LTBP4: variants seen among roughly 807,000 people sequenced by gnomAD.
The protein encoded by LTBP4 is latent transforming growth factor beta binding protein 4.
A neutral mutation model predicts 180.2 loss-of-function variants in LTBP4; 93 were observed. The observed-to-expected ratio is 0.52, with a 90% CI of 0.44 to 0.61. The LOEUF (loss-of-function observed/expected upper bound fraction) is 0.61. Ranked by LOEUF, LTBP4 falls within the 20% of genes least tolerant of loss-of-function variation. The pLI is 0.00. For missense variants in LTBP4, 2,116 were observed against 2,256.5 expected, an observed-to-expected ratio of 0.94 and a Z score of 1.26; for synonymous variants, 947 against 934.5, an observed-to-expected ratio of 1.01 and a Z score of -0.24.
At position 40,605,620 on chromosome 19, in the gene LTBP4, G is replaced by A. The variant is rs769600542; in HGVS notation, c.658G>A (p.Gly220Ser). ...EDGYSDASGF[G>S]YCFRELRGGE... ...CGGCTACTCAGATGCCTCGGGCTTC[G>A]GTTACTGCTTTCGGGAGCTGCGCGG... is the stretch of plus-strand genomic sequence containing the variant. The change falls in exon 3 of 30, where the codon GGT becomes AGT. Residue 220 changes from glycine (G) to serine (S), a missense_variant. Physicochemically the swap from Gly to Ser is moderately conservative, Grantham distance 56. Around this residue, in one of 5 missense-constraint regions of LTBP4, gnomAD observed 469 missense variants for 532.5 expected, o/e 0.88. Transcript: ENST00000396819. This position sits in a 1 kb window ranked among gnomAD's most constrained non-coding sequence, Gnocchi z 5.5. The A allele has an allele frequency of 4.4e-6, 7 of 1,592,376 alleles. No individual in the cohort carries two copies. In the Admixed American group the frequency reaches 1.2e-4, roughly 28 times the overall value.
rs1310479426 is a variant in LTBP4, at chr19:40,613,568, G to A, written c.2557+39G>A. 1.3e-6 allele frequency: 2 copies of A among 1,551,212 alleles called. No homozygotes were observed. The highest frequency in any genetic ancestry group is 1.7e-6 in the Non-Finnish European group (2 of 1,150,442). On this transcript the variant is annotated intron_variant, in intron 17 of 29. Transcript: ENST00000396819. The surrounding 1 kb of genome is among the most constrained non-coding windows in gnomAD (Gnocchi z 5.0). ...CTGATCCTGGCCCCGGAAAGGGTGG[G>A]CTTAGGGCAGGAAAAGGCGGGACGG...
Position 40,610,767 on chromosome 19 carries a change from A to T in LTBP4, c.1810+110A>T, listed in dbSNP as rs1321611256. On this transcript the variant is annotated intron_variant, in intron 12 of 29. Transcript: ENST00000396819. ...GGGCAAAGCGAGTTGATTTGGAGAC[A>T]GAGGCCAGGCTCTCGAGCAGACGTG... The T allele has an allele frequency of 4.9e-6, 7 of 1,440,274 alleles. No individual in the cohort carries two copies. In the East Asian group the frequency reaches 1.6e-4, roughly 34 times the overall value. 89.2% of individuals were successfully genotyped at this position (1,440,274 alleles called of 1,614,324 possible). A position where few individuals can be genotyped will look rare whatever the true frequency, so the allele number is the denominator to read the frequency against.
chr19:40,618,976 C>T (rs560868338), intron 21 of LTBP4, among the ~76,000 whole-genome samples: 1 of 152,162 alleles, frequency 6.6e-6, no homozygotes, highest in African/African-American at 2.4e-5. Flanking sequence ...TCCAGTGGGC[C>T]ACCCGAGAGC....
At chr19:40,623,559 C>T (rs1477591880) in intron 24 of LTBP4, 45 bp from the exon 25 acceptor site, 3 of 1,589,626 alleles carry the variant, frequency 1.9e-6, no homozygotes, top group Admixed American at 1.7e-5. Flanking sequence ...TCACACACTC[C>T]ACCCATCCAG....
intron 1 of LTBP4, among the ~76,000 whole-genome samples, chr19:40,604,192 GA>G (rs1301900008): frequency 2.0e-5 from 3 of 152,146 alleles, no homozygotes. Flanking sequence ...GGAGGGGCTA[GA>G]GGCAGCAGGT....
At chr19:40,626,773 T>C (rs2081636236) in intron 27 of LTBP4, among the ~76,000 whole-genome samples, 1 of 152,200 alleles carries the variant, frequency 6.6e-6, no homozygotes, top group Non-Finnish European at 1.5e-5. Flanking sequence ...ACCCTGATTC[T>C]TAGCAGGCTT....
chr19:40,612,068 C>T lies in LTBP4; in HGVS notation c.2180-5C>T, dbSNP rs1159496942. The T allele has an allele frequency of 1.9e-6, 3 of 1,613,112 alleles. No individual in the cohort carries two copies. The African/African-American group carries it at 4.0e-5, about 22-fold the overall frequency. On this transcript the variant is annotated splice_polypyrimidine_tract_variant and splice_region_variant and intron_variant, in intron 14 of 29. Transcript: ENST00000396819. ...TTCAAGGCCACCCTCTCCCCTGCCC[C>T]CCAGATGTGGATGAGTGTGAGAACC...
Position 40,605,885 on chromosome 19 carries a change from C to CA in LTBP4, c.793+55dup, listed in dbSNP as rs1403574550. On this transcript the variant is annotated intron_variant, in intron 4 of 29. Coordinates refer to ENST00000396819, the MANE Select transcript of LTBP4 (RefSeq NM_001042545.2). This position sits in a 1 kb window ranked among gnomAD's most constrained non-coding sequence, Gnocchi z 5.5. ...CGGAGCTGGGGAGTGGTGACAACCT[C>CA]ACCGTTCCTCCTACTCTGCCCTAGA... The CA allele has an allele frequency of 6.6e-7, 1 of 1,503,986 alleles. No homozygotes were observed. Among genetic ancestry groups the CA allele is most frequent in the Non-Finnish European group, 8.9e-7 (1 of 1,121,854 alleles). The allele number at this position is 1,503,986 out of a possible 1,614,324, so 93.2% of individuals were successfully genotyped here.
At chr19:40,600,986 C>T (rs1004513875), upstream of LTBP4, among the ~76,000 whole-genome samples, 1 of 152,186 alleles carries the variant, frequency 6.6e-6, no homozygotes, top group Non-Finnish European at 1.5e-5. The surrounding 1 kb of genome is among the most constrained non-coding windows in gnomAD (Gnocchi z 4.4). Flanking sequence ...CTCTGTGCCC[C>T]GGGCAGAAGA....
In LTBP4 at chr19:40,609,943, C is replaced by G; in HGVS notation, c.1684+72C>G. ...CTCCTGCTCTCACTCCAGAGCCTCT[C>G]CAGCCCTCCCACGCTTCCCCTCTCG... On this transcript the variant is annotated intron_variant, in intron 11 of 29. Coordinates refer to ENST00000396819, the MANE Select transcript of LTBP4 (RefSeq NM_001042545.2). This position sits in a 1 kb window ranked among gnomAD's most constrained non-coding sequence, Gnocchi z 4.9. 1 of 1,446,590 alleles carries G rather than the reference C, an allele frequency of 6.9e-7. No individual in the cohort carries two copies. The highest frequency in any genetic ancestry group is 2.5e-5 in the East Asian group (1 of 39,984). 89.6% of individuals were successfully genotyped at this position (1,446,590 alleles called of 1,614,324 possible). A position where few individuals can be genotyped will look rare whatever the true frequency, so the allele number is the denominator to read the frequency against.
Position 40,610,988 on chromosome 19 carries a change from G to A in LTBP4, c.1811-164G>A, listed in dbSNP as rs2081501540. 6.1e-6 allele frequency: 6 copies of A among 989,092 alleles called. No individual in the cohort carries two copies. The Admixed American group carries it at 1.3e-4, about 22-fold the overall frequency. The allele number at this position is 989,092 out of a possible 1,614,324, so 61.3% of individuals were successfully genotyped here. On this transcript the variant is annotated intron_variant, in intron 12 of 29. Transcript: ENST00000396819. ...GGACTACAGAGACAGAACCAGCCAG[G>A]CAGCTTAGTAGGGATTGGTGGAGGA... is the stretch of plus-strand genomic sequence containing the variant.
chr19:40,596,520 A>T (rs1022221137), upstream of LTBP4, among the ~76,000 whole-genome samples: 1 of 146,262 alleles, frequency 6.8e-6, no homozygotes, highest in African/African-American at 2.7e-5. Context: ...CCCTGGGAGC[A>T]GAGTTTGTGG....
chr19:40,627,708 C>A lies in LTBP4; in HGVS notation c.4370C>A (p.Ser1457Tyr). 6.3e-7 allele frequency: 1 copy of A among 1,592,166 alleles called. No homozygotes were observed. The highest frequency in any genetic ancestry group is 8.5e-7 in the Non-Finnish European group (1 of 1,170,728). ...AGGGTCCCCGCATTTCCCACAGGTT[C>A]CCTGGCTGAGCCCTACGAGGAGCTG... ...EPPEGGSYAG[S>Y]LAEPYEELEA... The change falls in exon 29 of 30, where the codon TCC becomes TAC. Residue 1457 changes from serine to tyrosine, a missense_variant. Physicochemically the swap from Ser to Tyr is moderately radical, Grantham distance 144. Coordinates refer to ENST00000396819, the MANE Select transcript of LTBP4 (RefSeq NM_001042545.2).
Position 40,605,561 on chromosome 19 carries a change from A to G in LTBP4, c.599A>G (p.Tyr200Cys), listed in dbSNP as rs1432876336. The G allele has an allele frequency of 6.2e-7, 1 of 1,605,938 alleles. No homozygotes were observed. Among genetic ancestry groups the G allele is most frequent in the Non-Finnish European group, 8.5e-7 (1 of 1,177,240 alleles). ...AAARAEAAAP[Y>C]TVLAQSAPRE... is the part of the protein sequence containing the mutation. ...GCGCGGGCGGAGGCGGCAGCGCCCT[A>G]CACGGTGTTGGCACAGAGCGCGCCG... The change falls in exon 3 of 30, where the codon TAC becomes TGC. Residue 200 changes from tyrosine (Y) to cysteine (C), a missense_variant. Coordinates refer to ENST00000396819, the MANE Select transcript of LTBP4 (RefSeq NM_001042545.2). This position sits in a 1 kb window ranked among gnomAD's most constrained non-coding sequence, Gnocchi z 5.5.
rs1227148847 is a variant in LTBP4 at position 40,614,403 on chromosome 19, C to T, written c.2769C>T (p.Asp923=). Residue 923 remains aspartate, a synonymous_variant, in exon 19 of 30, where the codon GAC becomes GAT. Transcript: ENST00000396819. ...NSPGSYRCVR[D]CDPGYHAGPE... is the part of the protein sequence containing the mutation. ...CCGGCTCCTACCGCTGTGTCCGGGA[C>T]TGCGATCCTGGGTACCACGCGGGCC... 1 of 1,600,050 alleles carries T rather than the reference C, an allele frequency of 6.2e-7. No homozygotes were observed.
intron 19 of LTBP4, among the ~76,000 whole-genome samples, chr19:40,616,309 A>AT (rs1568409744): frequency 6.7e-6 from 1 of 149,466 alleles, no homozygotes; most frequent in African/African-American, 2.5e-5. Flanking sequence ...AAGAAAAAAA[A>AT]GCTGGATGGG....
rs768448054 is a variant in LTBP4, at chr19:40,611,248, G to A, written c.1907G>A (p.Arg636Gln). The change falls in exon 13 of 30, where the codon CGG (arginine) becomes CAG (glutamine). Residue 636 changes from arginine (R) to glutamine (Q), a missense_variant. By Grantham distance (43) the Arg-to-Gln change is conservative (BLOSUM62 1). Around this residue, in one of 5 missense-constraint regions of LTBP4, gnomAD observed 877 missense variants for 873.6 expected, o/e 1.00. Coordinates refer to ENST00000396819, the MANE Select transcript of LTBP4 (RefSeq NM_001042545.2). This position sits in a 1 kb window ranked among gnomAD's most constrained non-coding sequence, Gnocchi z 4.4. ...SFRCVCPAGF[R>Q]GSACEEDVDE... is the part of the protein sequence containing the mutation. ...CGCTGTGTTTGCCCGGCTGGCTTCC[G>A]GGGCTCGGCGTGTGAAGAGGATGTG... 20 of 1,613,058 alleles carry A rather than the reference G, an allele frequency of 1.2e-5. No homozygotes were observed. In the East Asian group the frequency reaches 2.5e-4, roughly 20 times the overall value.
chr19:40,616,911 T>G lies in LTBP4; in HGVS notation c.2835T>G (p.Tyr945Ter), dbSNP rs762043638. The G allele has an allele frequency of 6.2e-7, 1 of 1,613,834 alleles. No individual in the cohort carries two copies. Among genetic ancestry groups the G allele is most frequent in the Non-Finnish European group, 8.5e-7 (1 of 1,179,888 alleles). Residue 945 changes from tyrosine to a stop codon, truncating the protein, a stop_gained, in exon 20 of 30, where the codon TAT becomes TAG. Transcript: ENST00000396819. LOFTEE classifies it high-confidence loss of function. ...TCDDVDECQE[Y>*]GPEICGAQRC... ...CAGATGTGGATGAGTGCCAAGAATA[T>G]GGTCCCGAGATTTGTGGAGCCCAGC...
At position 40,605,526 on chromosome 19, in the gene LTBP4, G is replaced by A. The variant is rs759941927; in HGVS notation, c.564G>A (p.Ala188=). The change falls in exon 3 of 30, where the codon GCG becomes GCA. Residue 188 remains alanine (A), a synonymous_variant. Transcript: ENST00000396819. The surrounding 1 kb of genome is among the most constrained non-coding windows in gnomAD (Gnocchi z 5.5). ...EEADAEAVAR[A]EAAARAEAAA... Reference sequence around the variant, plus strand: ...CGGACGCTGAGGCGGTGGCGCGGGCGGAAGCGGCGGCGCGGGCGGAGGCGG... The same window carrying A: ...CGGACGCTGAGGCGGTGGCGCGGGCAGAAGCGGCGGCGCGGGCGGAGGCGG... 1.2e-6 allele frequency: 2 copies of A among 1,608,456 alleles called. No homozygotes were observed. The highest frequency in any genetic ancestry group is 4.5e-5 in the East Asian group (2 of 44,770).
Sources: allele counts gnomAD v4.1 joint callset (sites outside exome capture counted in the v4.1 genomes callset), GRCh38; gene constraint gnomAD v4.1.1; regional missense constraint gnomAD v4.1.1; non-coding constraint Gnocchi (gnomAD v3.1); transcripts MANE v1.5; gene names NCBI Gene and HGNC (gene_info 2026-07-23, HGNC 2026-07-21).